Variants in LIMK1 observed in about 807,000 individuals in gnomAD.
The protein encoded by LIMK1 is LIM motif-containing protein kinase.
In LIMK1, 21 loss-of-function variants were observed where a neutral mutation model predicts 77.6. That is an observed-to-expected ratio of 0.27 (90% CI 0.19 to 0.39). LIMK1 has a LOEUF of 0.39. Among genes scored for constraint, LIMK1 ranks in the 10% least tolerant of loss-of-function variants. LIMK1 has a pLI of 1.00. For synonymous variants in LIMK1, 358 were observed against 370.0 expected (o/e 0.97, Z 0.37); for missense variants, 696 against 901.6 (o/e 0.77, Z 2.92).
At chr7:74,114,044 A>G (rs1799756212) in intron 12 of LIMK1, among the ~76,000 whole-genome samples, 1 of 152,108 alleles carries the variant, frequency 6.6e-6, no homozygotes, top group Non-Finnish European at 1.5e-5. Flanking sequence ...TGAGGTCAGG[A>G]GTTCAAGACC....
At position 74,106,144 on chromosome 7, in the gene LIMK1, C is replaced by T; in HGVS notation, c.782C>T (p.Thr261Ile). 1 of 1,614,104 alleles carries T rather than the reference C, an allele frequency of 6.2e-7. No homozygotes were observed. The highest frequency in any genetic ancestry group is 8.5e-7 in the Non-Finnish European group (1 of 1,180,038). The change falls in exon 7 of 16, where the codon ACA becomes ATA. Residue 261 changes from threonine to isoleucine, a missense_variant. Physicochemically the swap from Thr to Ile is moderately conservative, Grantham distance 89. Transcript: ENST00000336180. ...ACCCTCGAGCATGACCCTCACGATA[C>T]ACTGGGCCACGGGCTGGGGCCTGAG... is the stretch of plus-strand genomic sequence containing the variant. ...QLTLEHDPHD[T>I]LGHGLGPETS...
intron 5 of LIMK1, among the ~76,000 whole-genome samples, chr7:74,104,120 T>C (rs1799520630): frequency 6.6e-6 from 1 of 151,992 alleles, no homozygotes; most frequent in Admixed American, 6.6e-5. Context: ...GTCATAGAGA[T>C]GGGGTCTTGC....
intron 2 of LIMK1, among the ~76,000 whole-genome samples, chr7:74,088,430 C>A (rs1484413250): frequency 2.0e-5 from 3 of 152,100 alleles, no homozygotes; most frequent in Non-Finnish European, 4.4e-5. Context: ...TTGGAAGGAA[C>A]AGAATAAGCT....
intron 2 of LIMK1, among the ~76,000 whole-genome samples, 164 bp from the exon 3 acceptor site, chr7:74,096,458 G>C (rs1194274328): frequency 6.6e-6 from 1 of 152,094 alleles, no homozygotes; most frequent in Non-Finnish European, 1.5e-5. Context: ...CCGAGATCGA[G>C]CCACTGCACT....
At chr7:74,097,526 A>T (rs1554695878) in intron 4 of LIMK1, among the ~76,000 whole-genome samples, 1 of 152,130 alleles carries the variant, frequency 6.6e-6, no homozygotes, top group African/African-American at 2.4e-5. Context: ...AAATACAAAA[A>T]TTAACCAGGT....
rs1038967880 is a variant in LIMK1, at chr7:74,120,514, G to A, written c.1568-69G>A. The A allele has an allele frequency of 2.1e-5, 33 of 1,564,280 alleles. No homozygotes were observed. The African/African-American group carries it at 3.8e-4, about 18-fold the overall frequency. ...CCGGGGCATCCTCCCAGCTGGCCTG[G>A]TCCCCTGCCTTTTGGCATCCCTGGC... On this transcript the variant is annotated intron_variant, in intron 13 of 15. Coordinates refer to ENST00000336180, the MANE Select transcript of LIMK1 (RefSeq NM_002314.4).
At chr7:74,089,203 A>G (rs75566398) in intron 2 of LIMK1, among the ~76,000 whole-genome samples, 13,384 of 152,274 alleles carry the variant, frequency 0.088, 728 homozygotes, top group South Asian at 0.16. Context: ...TTCTCACTCC[A>G]CATCGCCACA....
chr7:74,121,308 G>A lies in LIMK1; in HGVS notation c.*7G>A, dbSNP rs1554700595. 2.5e-6 allele frequency: 4 copies of A among 1,579,956 alleles called. No homozygotes were observed. Among genetic ancestry groups the A allele is most frequent in the African/African-American group, 1.3e-5 (1 of 74,356 alleles). The stretch of plus-strand genomic sequence containing the variant: ...CCCTGAGGTCCCCGACTGAGCCAGG[G>A]CCACTCAGCTGCCCCTGTCCCCACC... On this transcript the variant is annotated 3_prime_UTR_variant, in exon 16 of 16. Transcript: ENST00000336180.
chr7:74,106,093 A>G lies in LIMK1; in HGVS notation c.731A>G (p.Gln244Arg). Residue 244 changes from glutamine (Q) to arginine (R), a missense_variant, in exon 7 of 16, where the codon CAG (glutamine) becomes CGG (arginine). By Grantham distance (43) the Gln-to-Arg change is conservative (BLOSUM62 1). Around this residue, in one of 3 missense-constraint regions of LIMK1, gnomAD observed 438 missense variants for 602.3 expected, o/e 0.73. Transcript: ENST00000336180. ...VPLDEIDLLI[Q>R]ETSRLLQLTL... is the part of the protein sequence containing the mutation. ...TGTCCCCAGATTGACCTGCTGATTC[A>G]GGAAACCAGCCGCCTGCTCCAGCTG... 1 of 1,613,954 alleles carries G rather than the reference A, an allele frequency of 6.2e-7. No individual in the cohort carries two copies.
rs187728857 is a variant in LIMK1 at position 74,098,480 on chromosome 7, C to T, written c.402-552C>T. On this transcript the variant is annotated intron_variant, in intron 4 of 15. Transcript: ENST00000336180. ...CAGGATCACAGCGAGTAGACAGACCCGAATGACTCAGAGGGACGAGGGCTG... is the reference window on the plus strand; with the variant it reads ...CAGGATCACAGCGAGTAGACAGACCTGAATGACTCAGAGGGACGAGGGCTG... 6.6e-5 allele frequency among the ~76,000 whole-genome samples: 10 copies of T among 152,268 alleles called. 1 individual carries two copies. The highest frequency in any genetic ancestry group is 2.2e-4 in the African/African-American group (9 of 41,560).
intron 2 of LIMK1, among the ~76,000 whole-genome samples, chr7:74,086,791 T>C (rs369978925): frequency 3.7e-4 from 57 of 152,154 alleles, no homozygotes; most frequent in Admixed American, 1.2e-3. Context: ...GGAATGTCCC[T>C]CCTGCCTTCT....
At position 74,108,249 on chromosome 7, in the gene LIMK1, G is replaced by T. The variant is rs146369930; in HGVS notation, c.1152+292G>T. Among the ~76,000 whole-genome samples, 33 of 152,054 alleles carry T rather than the reference G, an allele frequency of 2.2e-4. No individual in the cohort carries two copies. The East Asian group carries it at 6.0e-3, about 28-fold the overall frequency. ...GCTACTCGGGGGGCTGAGGTGGGAG[G>T]CTCGCTTGAGCCCAGGAGTTGGAGG... On this transcript the variant is annotated intron_variant, in intron 9 of 15. Transcript: ENST00000336180.
rs782060756 is a variant in LIMK1, at chr7:74,105,974, G to A, written c.708G>A (p.Leu236=). 100 of 1,613,978 alleles carry A rather than the reference G, an allele frequency of 6.2e-5. No homozygotes were observed. The highest frequency in any genetic ancestry group is 7.9e-5 in the Non-Finnish European group (93 of 1,179,998). Reference sequence around the variant, plus strand: ...GCACGCCCATCCGAAATGTGCCCCTGGACGAGGTACGGTCCTGAGTCTGTG... The same window carrying A: ...GCACGCCCATCCGAAATGTGCCCCTAGACGAGGTACGGTCCTGAGTCTGTG... The part of the protein sequence containing the change: ...INGTPIRNVP[L]DEIDLLIQET... Residue 236 remains leucine (L), a synonymous_variant, in exon 6 of 16, where the codon CTG becomes CTA. Transcript: ENST00000336180.
intron 2 of LIMK1, among the ~76,000 whole-genome samples, chr7:74,089,768 G>T (rs1259646106): frequency 2.0e-5 from 3 of 152,116 alleles, no homozygotes; most frequent in Non-Finnish European, 4.4e-5. Context: ...GTTGGAGGTA[G>T]GAAAGTCAGA....
intron 12 of LIMK1, 61 bp from the exon 13 acceptor site, chr7:74,115,741 G>C (rs1554699332): frequency 2.5e-6 from 4 of 1,576,010 alleles, no homozygotes; most frequent in Non-Finnish European, 3.5e-6. Context: ...CCTGGGGAGG[G>C]GCAGGCCAAG....
chr7:74,116,148 C>T (rs1799803456), intron 13 of LIMK1, among the ~76,000 whole-genome samples, 190 bp downstream of exon 13: 1 of 152,218 alleles, frequency 6.6e-6, no homozygotes, highest in Non-Finnish European at 1.5e-5. Context: ...AATCCCAGCA[C>T]TTTGGGAGGC....
intron 10 of LIMK1, chr7:74,109,752 G>A (rs1233033536): frequency 1.0e-4 from 16 of 152,702 alleles, no homozygotes; most frequent in African/African-American, 3.6e-4. Context: ...GACTGAAGCA[G>A]GAGAATGGCG....
chr7:74,116,010 G>T, intron 13 of LIMK1, 52 bp downstream of exon 13: 2 of 1,573,198 alleles, frequency 1.3e-6, no homozygotes, highest in Middle Eastern at 1.7e-4. Context: ...CCATGGGGGA[G>T]CCCAGGAGAG....
chr7:74,100,523 A>G (rs1376619291), intron 5 of LIMK1, among the ~76,000 whole-genome samples: 1 of 150,640 alleles, frequency 6.6e-6, no homozygotes, highest in African/African-American at 2.4e-5. Flanking sequence ...ACAAGGTTCA[A>G]GCAATTCTTG....
Sources: gnomAD v4.1 joint callset for allele counts (sites outside exome capture counted in the v4.1 genomes callset) on GRCh38, gnomAD v4.1.1 for gene constraint, gnomAD v4.1.1 regional missense constraint, MANE v1.5 for transcripts, NCBI Gene and HGNC (gene_info 2026-07-23, HGNC 2026-07-21) for gene names.